Variants in FAM240B observed in about 807,000 individuals in gnomAD.
FAM240B encodes the protein family with sequence similarity 240 member B.
At chr9:38,694,954 C>A in intron 2 of FAM240B, 85 bp from the exon 3 acceptor site, 1 of 397,926 alleles carries the variant, frequency 2.5e-6, no homozygotes, top group Non-Finnish European at 4.4e-6. Context: ...TTTTTCTTCT[C>A]CAAGATATTT....
intron 1 of FAM240B, among the ~76,000 whole-genome samples, chr9:38,713,395 G>A (rs193171587): frequency 2.1e-5 from 3 of 146,188 alleles, no homozygotes; most frequent in South Asian, 2.2e-4. Context: ...GGAGAATGGC[G>A]TGAACCTGGG....
At chr9:38,708,221 C>G (rs947831904) in intron 1 of FAM240B, among the ~76,000 whole-genome samples, 2 of 152,274 alleles carry the variant, frequency 1.3e-5, no homozygotes, top group African/African-American at 2.4e-5. Flanking sequence ...TAGCTTTTCT[C>G]GAAACCTCCT....
At chr9:38,719,212 C>G (rs185317058) in intron 1 of FAM240B, among the ~76,000 whole-genome samples, 2 of 151,914 alleles carry the variant, frequency 1.3e-5, no homozygotes, top group African/African-American at 4.8e-5. Context: ...GACTGTTCTT[C>G]GATAAATAAG....
intron 1 of FAM240B, among the ~76,000 whole-genome samples, chr9:38,709,503 C>A (rs908818643): frequency 7.2e-5 from 11 of 152,160 alleles, no homozygotes; most frequent in Admixed American, 1.3e-4. Flanking sequence ...TGCCTCTGCA[C>A]CTGGCCCAGG....
At chr9:38,698,458 G>A (rs1373122860) in intron 2 of FAM240B, among the ~76,000 whole-genome samples, 3 of 152,126 alleles carry the variant, frequency 2.0e-5, no homozygotes, top group Non-Finnish European at 4.4e-5. Flanking sequence ...GATTTATAAT[G>A]GGCATTGTGC....
At chr9:38,716,472 T>TAATA (rs1821303838) in intron 1 of FAM240B, among the ~76,000 whole-genome samples, 1 of 150,818 alleles carries the variant, frequency 6.6e-6, no homozygotes, top group African/African-American at 2.4e-5. Flanking sequence ...ACTCCGCTCT[T>TAATA]AAATAAAATA....
chr9:38,713,280 C>A (rs1294566576), intron 1 of FAM240B, among the ~76,000 whole-genome samples: 1 of 151,986 alleles, frequency 6.6e-6, no homozygotes, highest in East Asian at 1.9e-4. Context: ...AGATCGAGAC[C>A]ATCCTGGCTA....
chr9:38,703,194 T>C (rs1242578434), intron 2 of FAM240B, among the ~76,000 whole-genome samples: 1 of 152,222 alleles, frequency 6.6e-6, no homozygotes, highest in African/African-American at 2.4e-5. Flanking sequence ...TGGTGATATT[T>C]TCTATTTTCT....
intron 1 of FAM240B, among the ~76,000 whole-genome samples, chr9:38,707,169 G>A (rs1227833504): frequency 6.6e-6 from 1 of 152,080 alleles, no homozygotes; most frequent in Non-Finnish European, 1.5e-5. Flanking sequence ...TGGGTACCCG[G>A]TATTTAGAAA....
intron 1 of FAM240B, among the ~76,000 whole-genome samples, chr9:38,717,894 A>G (rs571880349): frequency 3.3e-5 from 5 of 152,292 alleles, no homozygotes; most frequent in African/African-American, 1.2e-4. Flanking sequence ...GCACTGAAGG[A>G]TATGAAATAA....
At position 38,703,877 on chromosome 9, in the gene FAM240B, T is replaced by C. The variant is rs2119003814; in HGVS notation, c.123A>G (p.Gln41=). The C allele has an allele frequency of 2.5e-6, 1 of 400,570 alleles. No individual in the cohort carries two copies. Among genetic ancestry groups the C allele is most frequent in the Non-Finnish European group, 4.4e-6 (1 of 226,116 alleles). 24.8% of individuals were successfully genotyped at this position (400,570 alleles called of 1,614,324 possible). The change falls in exon 2 of 3, where the codon CAA becomes CAG. Residue 41 remains glutamine (Q), a synonymous_variant. Transcript: ENST00000637493. The stretch of plus-strand genomic sequence containing the variant: ...CATACTTTTTCAGGGCGCTTCTTTC[T>C]TGACGATCTTCCTCCAGTTCTCGGT... ...TFYRELEEDR[Q]ERSALKKLRE...
At chr9:38,703,337 C>T (rs1273184192) in intron 2 of FAM240B, among the ~76,000 whole-genome samples, 2 of 152,192 alleles carry the variant, frequency 1.3e-5, no homozygotes, top group Admixed American at 6.5e-5. Context: ...AAGTCTGTAG[C>T]CCTAGCCACC....
intron 1 of FAM240B, among the ~76,000 whole-genome samples, chr9:38,718,839 A>G (rs1327881477): frequency 1.3e-5 from 2 of 152,076 alleles, no homozygotes; most frequent in African/African-American, 4.8e-5. Context: ...TTTGAATGCT[A>G]TATTTGGCTT....
intron 1 of FAM240B, among the ~76,000 whole-genome samples, chr9:38,705,059 T>C (rs1173306683): frequency 1.3e-5 from 2 of 152,214 alleles, no homozygotes; most frequent in African/African-American, 4.8e-5. Flanking sequence ...TACCTTAACG[T>C]GGCTCACTTT....
chr9:38,713,953 C>A (rs969551090), intron 1 of FAM240B, among the ~76,000 whole-genome samples: 17 of 152,274 alleles, frequency 1.1e-4, no homozygotes, highest in Admixed American at 5.2e-4. Flanking sequence ...TTATTGCCCT[C>A]CCCCTCACAA....
intron 1 of FAM240B, among the ~76,000 whole-genome samples, chr9:38,717,478 GTGTTTGTT>G (rs375939189): frequency 6.6e-6 from 1 of 151,966 alleles, no homozygotes; most frequent in African/African-American, 2.4e-5. Context: ...CCCTAAAAAG[GTGTTTGTT>G]TGTTTGTTTT....
chr9:38,714,577 C>T (rs1440785241), intron 1 of FAM240B, among the ~76,000 whole-genome samples: 1 of 152,186 alleles, frequency 6.6e-6, no homozygotes, highest in Non-Finnish European at 1.5e-5. Flanking sequence ...TTAAGGCTCT[C>T]AGCGCTACTA....
At chr9:38,711,520 C>T (rs1453527199) in intron 1 of FAM240B, among the ~76,000 whole-genome samples, 1 of 152,230 alleles carries the variant, frequency 6.6e-6, no homozygotes, top group Non-Finnish European at 1.5e-5. Context: ...GTTCCTCTTT[C>T]ACCTTCTCAG....
intron 2 of FAM240B, among the ~76,000 whole-genome samples, chr9:38,696,210 T>A (rs561501908): frequency 6.6e-6 from 1 of 152,170 alleles, no homozygotes; most frequent in Non-Finnish European, 1.5e-5. Context: ...ATTTTAAAAA[T>A]TGATTCACTT....
Sources: allele counts gnomAD v4.1 joint callset (sites outside exome capture counted in the v4.1 genomes callset), GRCh38; gene constraint gnomAD v4.1.1; transcripts MANE v1.5; gene names NCBI Gene and HGNC (gene_info 2026-07-23, HGNC 2026-07-21).